Variants in ABRAXAS2 observed in about 807,000 individuals in gnomAD.
The protein encoded by ABRAXAS2 is abraxas 2, BRISC complex subunit.
A neutral mutation model predicts 49.0 loss-of-function variants in ABRAXAS2; 23 were observed. The ratio of observed to expected loss-of-function variants is 0.47; its 90% CI spans 0.34 to 0.66. The LOEUF is 0.66. Among genes scored for constraint, ABRAXAS2 ranks in the 30% least tolerant of loss-of-function variants. The pLI, the probability that ABRAXAS2 is intolerant of heterozygous loss-of-function variation, is 0.01. For missense variants in ABRAXAS2, 443 were observed against 511.9 expected (o/e 0.87, Z 1.30); for synonymous variants, 168 against 180.2 (o/e 0.93, Z 0.54).
In ABRAXAS2 at chr10:124,835,560, A is replaced by T. The variant is rs1208594517; in HGVS notation, c.*589A>T. 1 of 152,552 alleles carries T rather than the reference A, an allele frequency of 6.6e-6. No homozygotes were observed. The highest frequency in any genetic ancestry group is 1.9e-4 in the East Asian group (1 of 5,202). 9.4% of individuals were successfully genotyped at this position (152,552 alleles called of 1,614,324 possible). A position where few individuals can be genotyped will look rare whatever the true frequency, so the allele number is the denominator to read the frequency against. On this transcript the variant is annotated 3_prime_UTR_variant, in exon 9 of 9. Transcript: ENST00000298492. ...CTTCCAACTTTTTTCTACTAGCTTG[A>T]TATGTATTATCACTTAAAATGGTTG...
At chr10:124,809,924 TG>T (rs1202929844) in intron 2 of ABRAXAS2, among the ~76,000 whole-genome samples, 1 of 151,942 alleles carries the variant, frequency 6.6e-6, no homozygotes, top group African/African-American at 2.4e-5. Context: ...GGCTAATTTT[TG>T]TATTTTTAGT....
Position 124,833,516 on chromosome 10 carries a change from G to A in ABRAXAS2, c.779-986G>A, listed in dbSNP as rs569688476. ...CAGTGTAAACCAGGTAATGTCAGCC[G>A]TGTTTTATATACATGTACAGACAAA... On this transcript the variant is annotated intron_variant, in intron 8 of 8. Coordinates refer to ENST00000298492, the MANE Select transcript of ABRAXAS2 (RefSeq NM_032182.4). Among the ~76,000 whole-genome samples the A allele has an allele frequency of 7.5e-4, 114 of 152,142 alleles. 1 individual carries two copies. Among genetic ancestry groups the A allele is most frequent in the Non-Finnish European group, 1.1e-3 (76 of 68,036 alleles).
chr10:124,802,655 C>G (rs570793880), intron 1 of ABRAXAS2, among the ~76,000 whole-genome samples: 1 of 152,250 alleles, frequency 6.6e-6, no homozygotes, highest in Non-Finnish European at 1.5e-5. Flanking sequence ...TCATTGGCCT[C>G]TGATTGGAAA....
chr10:124,819,365 A>ATT lies in ABRAXAS2; in HGVS notation c.201-13_201-12dup. 1 of 1,610,834 alleles carries ATT rather than the reference A, an allele frequency of 6.2e-7. No homozygotes were observed. Among genetic ancestry groups the ATT allele is most frequent in the East Asian group, 2.2e-5 (1 of 44,834 alleles). ...CAATACTATGTGGTGTTAGTACAAGATTTTTTTCTCTTAAACAGTTTTTAT... is the reference window on the plus strand; with the variant it reads ...CAATACTATGTGGTGTTAGTACAAGATTTTTTTTTCTCTTAAACAGTTTTTAT... On this transcript the variant is annotated intron_variant, in intron 3 of 8. Coordinates refer to ENST00000298492, the MANE Select transcript of ABRAXAS2 (RefSeq NM_032182.4).
chr10:124,826,908 T>C, intron 5 of ABRAXAS2, 123 bp downstream of exon 5: 2 of 930,540 alleles, frequency 2.1e-6, no homozygotes, highest in Non-Finnish European at 1.6e-6. Flanking sequence ...GGTCAAGAGA[T>C]TGAGACCATC....
intron 4 of ABRAXAS2, among the ~76,000 whole-genome samples, chr10:124,820,845 G>C (rs965744309): frequency 2.0e-5 from 3 of 152,006 alleles, no homozygotes; most frequent in African/African-American, 7.3e-5. Flanking sequence ...GAATTTTCTA[G>C]AGCACTCACT....
chr10:124,829,679 A>G (rs752718975), intron 7 of ABRAXAS2, among the ~76,000 whole-genome samples: 2 of 152,244 alleles, frequency 1.3e-5, no homozygotes, highest in Admixed American at 6.5e-5. Flanking sequence ...CTGTGCCTGA[A>G]GTAGATTGTT....
At chr10:124,811,840 C>G (rs1950790718) in intron 2 of ABRAXAS2, among the ~76,000 whole-genome samples, 1 of 152,132 alleles carries the variant, frequency 6.6e-6, no homozygotes, top group Non-Finnish European at 1.5e-5. Context: ...CAATGGCGCA[C>G]AATCTTGGCT....
At chr10:124,805,070 C>T (rs998862367) in intron 1 of ABRAXAS2, among the ~76,000 whole-genome samples, 1 of 152,080 alleles carries the variant, frequency 6.6e-6, no homozygotes, top group African/African-American at 2.4e-5. Context: ...TTAGGACACT[C>T]CCCCTCCTCA....
chr10:124,804,272 A>G (rs1357179177), intron 1 of ABRAXAS2, among the ~76,000 whole-genome samples: 1 of 152,222 alleles, frequency 6.6e-6, no homozygotes, highest in Non-Finnish European at 1.5e-5. Context: ...TAGGGTTACC[A>G]GATGAAATAC....
chr10:124,808,622 A>G (rs1163877413), intron 2 of ABRAXAS2, among the ~76,000 whole-genome samples: 1 of 152,222 alleles, frequency 6.6e-6, no homozygotes, highest in Admixed American at 6.6e-5. Flanking sequence ...GAAGAATTCT[A>G]TAAGAAAGTA....
intron 3 of ABRAXAS2, among the ~76,000 whole-genome samples, chr10:124,817,856 T>G (rs1950835240): frequency 6.6e-6 from 1 of 152,144 alleles, no homozygotes; most frequent in Non-Finnish European, 1.5e-5. Flanking sequence ...CTTTTAGATT[T>G]ACACATAAGC....
chr10:124,822,859 T>G (rs1950871114), intron 4 of ABRAXAS2, among the ~76,000 whole-genome samples: 1 of 152,192 alleles, frequency 6.6e-6, no homozygotes, highest in East Asian at 1.9e-4. Flanking sequence ...ATTTGTAAAT[T>G]AATTTTGGCA....
intron 1 of ABRAXAS2, among the ~76,000 whole-genome samples, chr10:124,804,644 A>T (rs563678085): frequency 1.3e-5 from 2 of 150,654 alleles, no homozygotes; most frequent in East Asian, 3.9e-4. Context: ...TCAAATTAGT[A>T]GTCATGGACA....
At chr10:124,828,988 T>C (rs1360400929) in intron 6 of ABRAXAS2, 113 bp downstream of exon 6, 3 of 1,052,348 alleles carry the variant, frequency 2.9e-6, no homozygotes, top group African/African-American at 3.2e-5. Flanking sequence ...ATGATTAAAA[T>C]TGAAGAATAC....
chr10:124,816,647 A>G, intron 3 of ABRAXAS2, 35 bp downstream of exon 3: 1 of 1,500,726 alleles, frequency 6.7e-7, no homozygotes, highest in Non-Finnish European at 9.2e-7. Flanking sequence ...CCTTACTAAA[A>G]GGATTGATTG....
At chr10:124,834,130 C>T (rs540084129) in intron 8 of ABRAXAS2, among the ~76,000 whole-genome samples, 6 of 152,278 alleles carry the variant, frequency 3.9e-5, no homozygotes, top group East Asian at 1.9e-4. Context: ...GCAAGCCCCA[C>T]GCCAGGGAAC....
At chr10:124,832,152 C>T (rs1420852015) in intron 8 of ABRAXAS2, among the ~76,000 whole-genome samples, 1 of 152,040 alleles carries the variant, frequency 6.6e-6, no homozygotes, top group African/African-American at 2.4e-5. Flanking sequence ...AGTCACCACA[C>T]CTAGTCTGTG....
At chr10:124,812,143 C>T (rs915524063) in intron 2 of ABRAXAS2, among the ~76,000 whole-genome samples, 1 of 152,184 alleles carries the variant, frequency 6.6e-6, no homozygotes, top group Non-Finnish European at 1.5e-5. Context: ...CTGCCTCTTG[C>T]AGTAAATACC....
Sources: gnomAD v4.1 joint callset for allele counts (sites outside exome capture counted in the v4.1 genomes callset) on GRCh38, gnomAD v4.1.1 for gene constraint, MANE v1.5 for transcripts, NCBI Gene and HGNC (gene_info 2026-07-23, HGNC 2026-07-21) for gene names.